The following ESR2 variants were observed in gnomAD, a reference collection of about 807,000 sequenced individuals.
The protein encoded by ESR2 is estrogen receptor beta.
ESR2 carries 36 observed loss-of-function variants against 49.6 expected under a neutral mutation model. That is an observed-to-expected ratio of 0.73 (90% CI 0.56 to 0.96). The LOEUF is 0.96. Ranked by LOEUF, ESR2 falls within the 40% of genes least tolerant of loss-of-function variation. The probability of loss-of-function intolerance (pLI) is 0.00; values close to 1 mark genes in which losing one functional copy is unlikely to be tolerated. For synonymous variants in ESR2, 320 were observed against 266.1 expected, an observed-to-expected ratio of 1.20 and a Z score of -1.97; for missense variants, 714 against 693.0, an observed-to-expected ratio of 1.03 and a Z score of -0.34.
intron 7 of ESR2, among the ~76,000 whole-genome samples, chr14:64,247,661 C>CA (rs1596384375): frequency 6.6e-6 from 1 of 152,258 alleles, no homozygotes; most frequent in East Asian, 1.9e-4. Context: ...GAAAAAAAGT[C>CA]AATAACCTAA....
intron 3 of ESR2, among the ~76,000 whole-genome samples, chr14:64,272,383 C>A (rs150816622): frequency 6.6e-6 from 1 of 152,304 alleles, no homozygotes; most frequent in East Asian, 1.9e-4. Context: ...GCCATGCAAG[C>A]AGTTTTTTAA....
At chr14:64,238,002 T>A (rs2075641890) in intron 7 of ESR2, among the ~76,000 whole-genome samples, 1 of 152,216 alleles carries the variant, frequency 6.6e-6, no homozygotes, top group Non-Finnish European at 1.5e-5. Flanking sequence ...CATTGAACTG[T>A]ATACTTAATA....
intron 1 of ESR2, among the ~76,000 whole-genome samples, chr14:64,333,070 G>A (rs942668637): frequency 6.6e-6 from 1 of 151,506 alleles, no homozygotes; most frequent in Admixed American, 6.6e-5. Context: ...GTAGAGATGG[G>A]GTTTCACCGT....
intron 1 of ESR2, among the ~76,000 whole-genome samples, chr14:64,288,264 A>T (rs1383413054): frequency 6.6e-6 from 1 of 152,152 alleles, no homozygotes; most frequent in African/African-American, 2.4e-5. Flanking sequence ...AGTAGTATTT[A>T]AAATTCCCAA....
chr14:64,320,095 C>CA (rs558093344), intron 1 of ESR2, among the ~76,000 whole-genome samples: 8,838 of 144,568 alleles, frequency 0.061, 304 homozygotes, highest in Non-Finnish European at 0.081. Context: ...ATATTATTTG[C>CA]AAAAAAAAAA....
intron 1 of ESR2, chr14:64,332,174 T>A (rs2077468211): frequency 6.6e-6 from 1 of 152,254 alleles, no homozygotes; most frequent in Admixed American, 6.5e-5. Context: ...GCCATCTTAT[T>A]TCAGACAATA....
At chr14:64,264,284 T>C (rs548996968) in intron 4 of ESR2, among the ~76,000 whole-genome samples, 21 of 152,306 alleles carry the variant, frequency 1.4e-4, no homozygotes, top group African/African-American at 4.6e-4. Flanking sequence ...TTGTCAGAAT[T>C]TCCTCTTAAC....
chr14:64,227,375 TAGAA>T (rs1263512374), downstream of ESR2: 43 of 745,724 alleles, frequency 5.8e-5, no homozygotes, highest in African/African-American at 2.8e-4. Flanking sequence ...GGATTGATAA[TAGAA>T]AGGAAGGTGG....
rs573436003 is a variant in ESR2, at chr14:64,329,031, C to T, written c.-91+8867G>A. ...TTATATTGTAATTCTACTTTAAGTACGCCTACAATTATTGTAGGAGAAAAA... is the reference window on the plus strand; with the variant it reads ...TTATATTGTAATTCTACTTTAAGTATGCCTACAATTATTGTAGGAGAAAAA... On this transcript the variant is annotated intron_variant, in intron 1 of 8. Transcript: ENST00000358599. 1.2e-3 allele frequency among the ~76,000 whole-genome samples: 187 copies of T among 152,026 alleles called. 1 individual carries two copies. Among genetic ancestry groups the T allele is most frequent in the Middle Eastern group, 3.4e-3 (1 of 294 alleles).
intron 3 of ESR2, among the ~76,000 whole-genome samples, chr14:64,271,751 ATGGCCGAATAG>A (rs1204184122): frequency 6.6e-6 from 1 of 152,196 alleles, no homozygotes; most frequent in Non-Finnish European, 1.5e-5. Context: ...CATTCATTTT[ATGGCCGAATAG>A]TGGTGTATAT....
chr14:64,238,767 AC>A (rs2075660903), intron 7 of ESR2, among the ~76,000 whole-genome samples: 1 of 151,608 alleles, frequency 6.6e-6, no homozygotes, highest in South Asian at 2.1e-4. Context: ...AAAAAAAAAA[AC>A]AAAAAAAACC....
At chr14:64,297,870 G>A (rs577761481), upstream of ESR2, among the ~76,000 whole-genome samples, 2 of 152,210 alleles carry the variant, frequency 1.3e-5, no homozygotes, top group African/African-American at 4.8e-5. Flanking sequence ...TTGGGTTCTG[G>A]GATAGTTATC....
intron 1 of ESR2, among the ~76,000 whole-genome samples, chr14:64,293,508 G>T (rs1394889775): frequency 1.3e-5 from 2 of 152,146 alleles, no homozygotes; most frequent in South Asian, 2.1e-4. Flanking sequence ...AGAATAACAC[G>T]CAGGGTGTTA....
intron 7 of ESR2, among the ~76,000 whole-genome samples, chr14:64,242,408 AAAAAAAAAAC>A (rs1160306148): frequency 3.6e-5 from 5 of 137,362 alleles, no homozygotes; most frequent in African/African-American, 1.5e-4. Flanking sequence ...ACTGTCTCAA[AAAAAAAAAAC>A]AAAAAAAACA....
intron 7 of ESR2, among the ~76,000 whole-genome samples, chr14:64,243,389 C>T (rs2075779867): frequency 6.6e-6 from 1 of 152,168 alleles, no homozygotes; most frequent in Non-Finnish European, 1.5e-5. Flanking sequence ...CAAAATTTGA[C>T]ACAGACATAA....
intron 1 of ESR2, among the ~76,000 whole-genome samples, chr14:64,321,254 G>A (rs914172601): frequency 3.3e-5 from 5 of 151,590 alleles, no homozygotes; most frequent in Non-Finnish European, 1.5e-5. Flanking sequence ...CACACAGAAA[G>A]CAGATTGGTG....
intron 1 of ESR2, among the ~76,000 whole-genome samples, chr14:64,306,627 A>G (rs1007416100): frequency 6.6e-6 from 1 of 152,074 alleles, no homozygotes; most frequent in Non-Finnish European, 1.5e-5. Context: ...CCTGAAATAA[A>G]CTCCGGTTGG....
At chr14:64,334,206 C>A (rs1265026362) in intron 1 of ESR2, among the ~76,000 whole-genome samples, 1 of 152,176 alleles carries the variant, frequency 6.6e-6, no homozygotes, top group East Asian at 1.9e-4. Flanking sequence ...TGTGTTCAGT[C>A]TTCTCACTCT....
chr14:64,275,855 G>A (rs770003373), intron 3 of ESR2, among the ~76,000 whole-genome samples: 4 of 152,048 alleles, frequency 2.6e-5, no homozygotes, highest in Non-Finnish European at 5.9e-5. Context: ...ATGAAAATAG[G>A]TAAATTTTAT....
Sources: gnomAD v4.1 joint callset for allele counts (sites outside exome capture counted in the v4.1 genomes callset) on GRCh38, gnomAD v4.1.1 for gene constraint, MANE v1.5 for transcripts, NCBI Gene and HGNC (gene_info 2026-07-23, HGNC 2026-07-21) for gene names.